Variants in UNC13C observed in about 807,000 individuals in gnomAD.
UNC13C encodes the protein protein unc-13 homolog C.
A neutral mutation model predicts 245.4 loss-of-function variants in UNC13C; 174 were observed. That is an observed-to-expected ratio of 0.71 (90% CI 0.63 to 0.80). The LOEUF (loss-of-function observed/expected upper bound fraction) is 0.80, where lower values mean the gene tolerates loss of function less well. Among genes scored for constraint, UNC13C ranks in the 30% least tolerant of loss-of-function variants. The pLI is 0.00. For missense variants in UNC13C, 2,829 were observed against 2,602.9 expected (o/e 1.09, Z -1.89); for synonymous variants, 992 against 895.1 (o/e 1.11, Z -1.93).
At chr15:54,020,579 G>A (rs1008770607) in intron 2 of UNC13C, among the ~76,000 whole-genome samples, 16 of 151,262 alleles carry the variant, frequency 1.1e-4, no homozygotes, top group Admixed American at 6.6e-4. Context: ...CACCACACCC[G>A]GCCGATTTTT....
chr15:54,486,785 A>G (rs1222254661), intron 19 of UNC13C, among the ~76,000 whole-genome samples: 1 of 152,106 alleles, frequency 6.6e-6, no homozygotes, highest in Non-Finnish European at 1.5e-5. Context: ...CTTTATAACT[A>G]TCCATCTCTA....
chr15:54,430,526 T>C (rs1426929666), intron 19 of UNC13C, among the ~76,000 whole-genome samples: 1 of 151,672 alleles, frequency 6.6e-6, no homozygotes, highest in Non-Finnish European at 1.5e-5. Flanking sequence ...TCAAACTCAT[T>C]AGCCTGTTAA....
chr15:54,202,207 A>G (rs533561578), intron 4 of UNC13C, among the ~76,000 whole-genome samples: 1 of 152,202 alleles, frequency 6.6e-6, no homozygotes, highest in East Asian at 1.9e-4. Flanking sequence ...ATGCTCATAG[A>G]TGGATAGAAT....
intron 4 of UNC13C, among the ~76,000 whole-genome samples, chr15:54,187,740 T>A (rs1224538012): frequency 1.3e-5 from 2 of 152,212 alleles, no homozygotes; most frequent in Non-Finnish European, 2.9e-5. Flanking sequence ...TTTAATACTT[T>A]GATTAATAAT....
chr15:54,123,053 C>A (rs936794568), intron 2 of UNC13C, among the ~76,000 whole-genome samples: 4 of 151,962 alleles, frequency 2.6e-5, no homozygotes, highest in African/African-American at 9.7e-5. Flanking sequence ...TAGTTTTTTA[C>A]ATTCTTCCCT....
intron 18 of UNC13C, among the ~76,000 whole-genome samples, chr15:54,413,476 A>C (rs941847053): frequency 1.3e-5 from 2 of 152,168 alleles, no homozygotes; most frequent in Admixed American, 1.3e-4. Flanking sequence ...CTTTTGAAAT[A>C]AATTGTTTGC....
intron 17 of UNC13C, among the ~76,000 whole-genome samples, chr15:54,347,847 G>A (rs1231268049): frequency 6.6e-6 from 1 of 152,080 alleles, no homozygotes; most frequent in Non-Finnish European, 1.5e-5. Context: ...TATCTCAAAG[G>A]AAATCTCTGT....
At chr15:54,430,791 TGGA>T (rs1480807066) in intron 19 of UNC13C, among the ~76,000 whole-genome samples, 7 of 151,842 alleles carry the variant, frequency 4.6e-5, no homozygotes, top group Admixed American at 4.6e-4. Flanking sequence ...TTCTGGGAAA[TGGA>T]GGTCTTTCAT....
At position 54,537,539 on chromosome 15, in the gene UNC13C, A is replaced by C. The variant is rs537471635; in HGVS notation, c.5696+4473A>C. On this transcript the variant is annotated intron_variant, in intron 26 of 32. Transcript: ENST00000260323. ...CTGAATAGTCAAAGTAATCCTAAGCAAAAAGAACAAAGCCAGAGGCCTCAC... is the reference window on the plus strand; with the variant it reads ...CTGAATAGTCAAAGTAATCCTAAGCCAAAAGAACAAAGCCAGAGGCCTCAC... Among the ~76,000 whole-genome samples, 3 of 152,198 alleles carry C rather than the reference A, an allele frequency of 2.0e-5. No individual in the cohort carries two copies. In the East Asian group the frequency reaches 5.8e-4, roughly 29 times the overall value.
At chr15:53,846,186 G>A in the UNC13C span, among the ~76,000 whole-genome samples, 225 of 152,210 alleles carry the variant, frequency 1.5e-3, no homozygotes, top group Non-Finnish European at 2.5e-3. Context: ...TTCAATTTAC[G>A]ATGGATTTAT....
At chr15:54,484,730 A>T (rs1247696741) in intron 19 of UNC13C, among the ~76,000 whole-genome samples, 1 of 152,190 alleles carries the variant, frequency 6.6e-6, no homozygotes, top group Non-Finnish European at 1.5e-5. Flanking sequence ...GTTGAAATCT[A>T]CCAAAAAGAG....
the UNC13C span, among the ~76,000 whole-genome samples, chr15:53,919,232 T>A: frequency 6.6e-6 from 1 of 152,172 alleles, no homozygotes; most frequent in Admixed American, 6.5e-5. Flanking sequence ...ACTACTTTAA[T>A]TAAAAAGTGG....
chr15:53,853,956 C>T, the UNC13C span, among the ~76,000 whole-genome samples: 1 of 152,052 alleles, frequency 6.6e-6, no homozygotes, highest in Non-Finnish European at 1.5e-5. Flanking sequence ...TCTGTTCACT[C>T]AGATTATAGT....
chr15:54,157,580 C>T (rs2032803483), intron 4 of UNC13C, among the ~76,000 whole-genome samples: 3 of 152,134 alleles, frequency 2.0e-5, no homozygotes, highest in Admixed American at 6.6e-5. Flanking sequence ...TTGAGCAAAC[C>T]AAGATAAGCT....
chr15:54,448,260 G>C (rs1213290514), intron 19 of UNC13C, among the ~76,000 whole-genome samples: 1 of 152,178 alleles, frequency 6.6e-6, no homozygotes, highest in Non-Finnish European at 1.5e-5. Flanking sequence ...GTTGATTTGG[G>C]GTGGAGAGTT....
intron 19 of UNC13C, among the ~76,000 whole-genome samples, chr15:54,460,588 C>T (rs1372609934): frequency 6.6e-6 from 1 of 152,204 alleles, no homozygotes; most frequent in Non-Finnish European, 1.5e-5. Context: ...ATAATCTTAC[C>T]CTAAGTTGGC....
chr15:54,583,957 A>C (rs2681952), intron 30 of UNC13C, among the ~76,000 whole-genome samples: 58,265 of 151,928 alleles, frequency 0.38, 11,700 homozygotes, highest in East Asian at 0.67. Context: ...TCCAGGCCCT[A>C]ACTGTGCTCT....
intron 25 of UNC13C, among the ~76,000 whole-genome samples, chr15:54,530,679 G>C: frequency 6.6e-6 from 1 of 152,032 alleles, no homozygotes. Flanking sequence ...ATTAACGAGG[G>C]ACCAAGAGAG....
chr15:54,045,321 C>T (rs888588385), intron 2 of UNC13C, among the ~76,000 whole-genome samples: 1 of 152,086 alleles, frequency 6.6e-6, no homozygotes, highest in African/African-American at 2.4e-5. Context: ...TTCTGTTCCC[C>T]ATTGAATTTG....
Sources: gnomAD v4.1 joint callset for allele counts (sites outside exome capture counted in the v4.1 genomes callset) on GRCh38, gnomAD v4.1.1 for gene constraint, MANE v1.5 for transcripts, NCBI Gene and HGNC (gene_info 2026-07-23, HGNC 2026-07-21) for gene names.